Variants in GPC5 observed in about 807,000 individuals in gnomAD.
GPC5 encodes the protein glypican-5.
GPC5 carries 47 observed loss-of-function variants against 53.9 expected under a neutral mutation model. That is an observed-to-expected ratio of 0.87 (90% CI 0.69 to 1.11). GPC5 has a LOEUF of 1.11. Among genes scored for constraint, GPC5 ranks in the 50% most tolerant of loss-of-function variants. GPC5 has a pLI of 0.00. For missense variants in GPC5, 748 were observed against 713.1 expected, an observed-to-expected ratio of 1.05 and a Z score of -0.56; for synonymous variants, 286 against 263.3, an observed-to-expected ratio of 1.09 and a Z score of -0.84.
intron 5 of GPC5, among the ~76,000 whole-genome samples, chr13:91,869,621 A>T (rs2039121823): frequency 6.6e-6 from 1 of 152,174 alleles, no homozygotes; most frequent in African/African-American, 2.4e-5. Flanking sequence ...TAAACAATGA[A>T]ATCCAAGTGC....
intron 7 of GPC5, among the ~76,000 whole-genome samples, chr13:92,802,065 C>A (rs1256158381): frequency 2.0e-5 from 3 of 151,740 alleles, no homozygotes; most frequent in Non-Finnish European, 4.4e-5. Flanking sequence ...ATTACTCATT[C>A]ACCTATTCAC....
intron 7 of GPC5, among the ~76,000 whole-genome samples, chr13:92,256,029 A>G (rs1313019500): frequency 1.3e-5 from 2 of 152,088 alleles, no homozygotes; most frequent in African/African-American, 4.8e-5. Flanking sequence ...TGGGTCCAAC[A>G]ACATTGATGT....
chr13:92,585,472 T>C (rs1339662505), intron 7 of GPC5, among the ~76,000 whole-genome samples: 1 of 152,214 alleles, frequency 6.6e-6, no homozygotes, highest in Non-Finnish European at 1.5e-5. Context: ...TGTACCCACG[T>C]TGTATCTAGA....
chr13:92,579,668 A>G (rs73621541), intron 7 of GPC5, among the ~76,000 whole-genome samples: 1,810 of 152,184 alleles, frequency 0.012, 39 homozygotes, highest in African/African-American at 0.042. Context: ...TTTACAGAAG[A>G]AATTCTTGTC....
rs913835768 is a variant in GPC5 at position 92,402,205 on chromosome 13, T to C, written c.1561+257216T>C. On this transcript the variant is annotated intron_variant, in intron 7 of 7. Transcript: ENST00000377067. ...GGATAATATTATTTTATTTGTATTCTACCTCCTTAATATTGAGATCAACCG... is the reference window on the plus strand; with the variant it reads ...GGATAATATTATTTTATTTGTATTCCACCTCCTTAATATTGAGATCAACCG... Among the ~76,000 whole-genome samples, 15 of 152,310 alleles carry C rather than the reference T, an allele frequency of 9.8e-5. 1 individual carries two copies. Among genetic ancestry groups the C allele is most frequent in the African/African-American group, 3.6e-4 (15 of 41,582 alleles).
chr13:91,931,479 C>A (rs765822648), intron 6 of GPC5, among the ~76,000 whole-genome samples: 1 of 151,916 alleles, frequency 6.6e-6, no homozygotes, highest in African/African-American at 2.4e-5. Flanking sequence ...TACACAGAAG[C>A]CCAACGTCAG....
intron 7 of GPC5, among the ~76,000 whole-genome samples, chr13:92,251,176 G>A (rs563976462): frequency 7.2e-5 from 11 of 152,074 alleles, no homozygotes; most frequent in Admixed American, 4.6e-4. Flanking sequence ...GTTAAGGGTG[G>A]GATTGATGAT....
intron 2 of GPC5, among the ~76,000 whole-genome samples, chr13:91,638,305 T>C (rs898516785): frequency 1.3e-5 from 2 of 152,202 alleles, no homozygotes; most frequent in South Asian, 2.1e-4. Context: ...TCCTTATTGA[T>C]CTATTGCCAA....
intron 7 of GPC5, 72 bp downstream of exon 7, chr13:92,145,061 A>G (rs890987217): frequency 6.0e-6 from 7 of 1,175,096 alleles, no homozygotes; most frequent in Non-Finnish European, 7.8e-6. Flanking sequence ...ATTGTTATGG[A>G]TGTAAAGAAA....
chr13:91,856,818 A>G (rs575239935), intron 5 of GPC5, among the ~76,000 whole-genome samples: 4 of 151,248 alleles, frequency 2.6e-5, no homozygotes, highest in Non-Finnish European at 5.9e-5. Flanking sequence ...ATTATTCTCT[A>G]TGTCCTAAGA....
chr13:92,765,990 T>C (rs1875391404), intron 7 of GPC5, among the ~76,000 whole-genome samples: 3 of 152,136 alleles, frequency 2.0e-5, no homozygotes. Context: ...TTTGCTGAGT[T>C]TGGGCTCAAA....
rs142281859 is a variant in GPC5, at chr13:92,041,554, C to G, written c.1402-103276C>G. Among the ~76,000 whole-genome samples the G allele has an allele frequency of 5.5e-3, 841 of 152,292 alleles. 7 individuals are homozygous for G. The highest frequency in any genetic ancestry group is 0.02 in the African/African-American group (816 of 41,554). On this transcript the variant is annotated intron_variant, in intron 6 of 7. Transcript: ENST00000377067. ...AACCAGGCCTAAAAATAAAGTCACA[C>G]TCATCCCTGACAGTCTAGAAAACTG...
rs188297827 is a variant in GPC5, at chr13:92,035,353, C to T, written c.1402-109477C>T. Among the ~76,000 whole-genome samples the T allele has an allele frequency of 9.7e-4, 147 of 152,228 alleles. 2 individuals carry two copies. The highest frequency in any genetic ancestry group is 3.1e-3 in the African/African-American group (130 of 41,552). ...TCCCTGGCAGTGTCAGTTACACTAG[C>T]ATTGTGTTGGAGTTCTTGGCATAGA... On this transcript the variant is annotated intron_variant, in intron 6 of 7. Coordinates refer to ENST00000377067, the MANE Select transcript of GPC5 (RefSeq NM_004466.6).
intron 1 of GPC5, among the ~76,000 whole-genome samples, chr13:91,429,671 G>A (rs1337096087): frequency 1.3e-5 from 2 of 152,168 alleles, no homozygotes; most frequent in Admixed American, 6.5e-5. Context: ...TGAGTTAGTG[G>A]CACTAGAGTT....
In GPC5 at chr13:92,027,015, G is replaced by A. The variant is rs550320358; in HGVS notation, c.1402-117815G>A. Among the ~76,000 whole-genome samples, 28 of 152,270 alleles carry A rather than the reference G, an allele frequency of 1.8e-4. No individual in the cohort carries two copies. The East Asian group carries it at 5.4e-3, about 29-fold the overall frequency. ...CCTGCCACTATCTTCACAGCTGGAT[G>A]CAAGCATTGCAGTAACCTAAGCAAA... On this transcript the variant is annotated intron_variant, in intron 6 of 7. Coordinates refer to ENST00000377067, the MANE Select transcript of GPC5 (RefSeq NM_004466.6).
intron 7 of GPC5, among the ~76,000 whole-genome samples, chr13:92,458,629 G>A (rs1170330778): frequency 1.3e-5 from 2 of 151,798 alleles, no homozygotes; most frequent in African/African-American, 2.4e-5. Flanking sequence ...AGAAAGGGAG[G>A]GAAAAAGAGA....
intron 7 of GPC5, among the ~76,000 whole-genome samples, chr13:92,232,298 G>A (rs1249878614): frequency 6.6e-6 from 1 of 152,016 alleles, no homozygotes; most frequent in African/African-American, 2.4e-5. Flanking sequence ...TGTGGGGGCG[G>A]CTGTTATTGG....
chr13:92,608,629 T>C (rs760035104), intron 7 of GPC5, among the ~76,000 whole-genome samples: 7 of 152,206 alleles, frequency 4.6e-5, no homozygotes, highest in Non-Finnish European at 1.0e-4. Context: ...AATGCTCCAA[T>C]TAATATTCAA....
chr13:91,838,628 T>C (rs1012701917), intron 5 of GPC5, among the ~76,000 whole-genome samples: 13 of 152,036 alleles, frequency 8.6e-5, no homozygotes, highest in African/African-American at 2.4e-4. Flanking sequence ...GATGAAAAGA[T>C]TGGAAATGAA....
Sources: gnomAD v4.1 joint callset for allele counts (sites outside exome capture counted in the v4.1 genomes callset) on GRCh38, gnomAD v4.1.1 for gene constraint, MANE v1.5 for transcripts, NCBI Gene and HGNC (gene_info 2026-07-23, HGNC 2026-07-21) for gene names.